Variants in AGBL4 observed in about 807,000 individuals in gnomAD.
AGBL4 encodes the protein cytosolic carboxypeptidase 6.
AGBL4 carries 58 observed loss-of-function variants against 66.4 expected under a neutral mutation model. That is an observed-to-expected ratio of 0.87 (90% CI 0.71 to 1.09). The LOEUF is 1.09. AGBL4 is among the 50% of genes least tolerant of loss of function. The pLI is 0.00. For missense variants in AGBL4, 579 were observed against 631.0 expected, an observed-to-expected ratio of 0.92 and a Z score of 0.88; for synonymous variants, 234 against 222.9, an observed-to-expected ratio of 1.05 and a Z score of -0.44.
intron 5 of AGBL4, among the ~76,000 whole-genome samples, chr1:49,008,253 A>T (rs1206483030): frequency 1.3e-5 from 2 of 151,986 alleles, no homozygotes; most frequent in African/African-American, 4.8e-5. Context: ...CAGACTTTAA[A>T]CCAACAAAGA....
At chr1:48,998,055 T>C (rs1199673963) in intron 5 of AGBL4, among the ~76,000 whole-genome samples, 2 of 152,216 alleles carry the variant, frequency 1.3e-5, no homozygotes, top group South Asian at 2.1e-4. Context: ...CAGAGAAAGA[T>C]TGAATCCACT....
At chr1:49,880,056 A>T (rs939933863) in intron 1 of AGBL4, among the ~76,000 whole-genome samples, 11 of 151,388 alleles carry the variant, frequency 7.3e-5, no homozygotes, top group Non-Finnish European at 1.3e-4. Flanking sequence ...CTAGTTATAC[A>T]TTCCTCTAAA....
intron 4 of AGBL4, among the ~76,000 whole-genome samples, chr1:49,119,929 T>C (rs551965948): frequency 1.3e-5 from 2 of 152,230 alleles, no homozygotes; most frequent in African/African-American, 2.4e-5. Context: ...TTTATTATTA[T>C]GTAATGGCCT....
At chr1:49,267,455 C>T (rs1482893734) in intron 3 of AGBL4, among the ~76,000 whole-genome samples, 2 of 152,092 alleles carry the variant, frequency 1.3e-5, no homozygotes, top group Non-Finnish European at 2.9e-5. Context: ...CCAAAGCGGG[C>T]AGATCACGAG....
chr1:48,702,840 AC>A (rs1172049122), intron 6 of AGBL4, among the ~76,000 whole-genome samples: 1 of 152,130 alleles, frequency 6.6e-6, no homozygotes, highest in Non-Finnish European at 1.5e-5. Context: ...CTAGAAGTTG[AC>A]CCTGGAGTAA....
intron 6 of AGBL4, among the ~76,000 whole-genome samples, chr1:48,820,785 A>G (rs1570749967): frequency 6.6e-6 from 1 of 152,228 alleles, no homozygotes; most frequent in East Asian, 1.9e-4. Flanking sequence ...GTTTCTGCAC[A>G]GCTAAAGAAA....
At chr1:49,350,256 T>C (rs1001384739) in intron 3 of AGBL4, among the ~76,000 whole-genome samples, 1 of 148,786 alleles carries the variant, frequency 6.7e-6, no homozygotes, top group Non-Finnish European at 1.5e-5. Context: ...CAGGCTGGAG[T>C]GCAGTGGCGG....
At chr1:49,488,892 C>T (rs888954178) in intron 3 of AGBL4, among the ~76,000 whole-genome samples, 1 of 151,700 alleles carries the variant, frequency 6.6e-6, no homozygotes, top group Admixed American at 6.6e-5. Context: ...TGAATTGTAC[C>T]CCATTGTGTA....
Position 48,645,272 on chromosome 1 carries a change from T to C in AGBL4, c.839+8065A>G, listed in dbSNP as rs141352316. On this transcript the variant is annotated intron_variant, in intron 8 of 13. Coordinates refer to ENST00000371839, the MANE Select transcript of AGBL4 (RefSeq NM_032785.4). ...AGGTAAGGGTCTGTCTGGCCCGTGC[T>C]GTCACTCTGGCTTTATCTGACTGTG... Among the ~76,000 whole-genome samples, 228 of 152,332 alleles carry C rather than the reference T, an allele frequency of 1.5e-3. 2 individuals carry two copies. The highest frequency in any genetic ancestry group is 3.6e-3 in the African/African-American group (149 of 41,576).
At chr1:49,463,777 A>T (rs765791983) in intron 3 of AGBL4, among the ~76,000 whole-genome samples, 4 of 151,806 alleles carry the variant, frequency 2.6e-5, no homozygotes, top group Non-Finnish European at 5.9e-5. Flanking sequence ...ATTAATGATG[A>T]CATTGAATCA....
intron 6 of AGBL4, among the ~76,000 whole-genome samples, chr1:48,823,496 C>T (rs1349681051): frequency 6.6e-6 from 1 of 152,154 alleles, no homozygotes; most frequent in African/African-American, 2.4e-5. Context: ...TCTTCTTTTC[C>T]CAAGGCCTCT....
chr1:48,561,421 G>A (rs935230743), intron 11 of AGBL4, among the ~76,000 whole-genome samples: 4 of 152,158 alleles, frequency 2.6e-5, no homozygotes, highest in Non-Finnish European at 5.9e-5. Flanking sequence ...TGGAACTCGT[G>A]ATCACACTGT....
intron 4 of AGBL4, among the ~76,000 whole-genome samples, chr1:49,231,624 G>A (rs1029892593): frequency 6.6e-6 from 1 of 152,154 alleles, no homozygotes; most frequent in African/African-American, 2.4e-5. Context: ...ATATGCAGGT[G>A]CACATACACA....
intron 6 of AGBL4, among the ~76,000 whole-genome samples, chr1:48,664,733 T>C (rs907127089): frequency 1.3e-5 from 2 of 152,222 alleles, no homozygotes; most frequent in Non-Finnish European, 2.9e-5. Flanking sequence ...AAAGTTGAAC[T>C]ATTGTGCAAA....
chr1:49,590,913 T>C (rs1644739356), intron 3 of AGBL4, among the ~76,000 whole-genome samples: 1 of 151,920 alleles, frequency 6.6e-6, no homozygotes, highest in Admixed American at 6.6e-5. Context: ...AAATAACCCA[T>C]GAGTCAAAGT....
At chr1:48,619,901 C>T in intron 9 of AGBL4, among the ~76,000 whole-genome samples, 1 of 152,186 alleles carries the variant, frequency 6.6e-6, no homozygotes, top group East Asian at 1.9e-4. Flanking sequence ...TGTCTGGAAT[C>T]GCCCTTGGGG....
intron 3 of AGBL4, among the ~76,000 whole-genome samples, chr1:49,429,526 T>C (rs181518354): frequency 6.6e-6 from 1 of 152,340 alleles, no homozygotes; most frequent in Non-Finnish European, 1.5e-5. Context: ...CAAATGTCTG[T>C]GTGAGTGAAG....
intron 9 of AGBL4, among the ~76,000 whole-genome samples, chr1:48,609,510 C>G (rs768546474): frequency 6.6e-6 from 1 of 152,184 alleles, no homozygotes; most frequent in Non-Finnish European, 1.5e-5. Flanking sequence ...CAGCCTTGAC[C>G]TCCTGGGCTC....
At chr1:49,358,901 AG>A (rs1421104422) in intron 3 of AGBL4, among the ~76,000 whole-genome samples, 2 of 152,242 alleles carry the variant, frequency 1.3e-5, no homozygotes, top group African/African-American at 4.8e-5. Flanking sequence ...AGCCTACTAC[AG>A]TTTATATGGG....
Sources: gnomAD v4.1 joint callset for allele counts (sites outside exome capture counted in the v4.1 genomes callset) on GRCh38, gnomAD v4.1.1 for gene constraint, MANE v1.5 for transcripts, NCBI Gene and HGNC (gene_info 2026-07-23, HGNC 2026-07-21) for gene names.